RIC8B: variants seen among roughly 807,000 people sequenced by gnomAD.
RIC8B encodes chaperone Ric-8B.
A neutral mutation model predicts 57.5 loss-of-function variants in RIC8B; 16 were observed. The ratio of observed to expected loss-of-function variants is 0.28; its 90% CI spans 0.19 to 0.42. The LOEUF is 0.42. RIC8B is among the 10% of genes least tolerant of loss of function. The pLI is 1.00. For synonymous variants in RIC8B, 216 were observed against 250.8 expected, an observed-to-expected ratio of 0.86 and a Z score of 1.31; for missense variants, 481 against 677.0, an observed-to-expected ratio of 0.71 and a Z score of 3.21.
At chr12:106,800,474 C>G (rs148315074) in intron 2 of RIC8B, among the ~76,000 whole-genome samples, 1 of 152,282 alleles carries the variant, frequency 6.6e-6, no homozygotes, top group East Asian at 1.9e-4. Flanking sequence ...CCATGTAATT[C>G]TCACCTCCGG....
intron 4 of RIC8B, among the ~76,000 whole-genome samples, chr12:106,841,075 CA>C (rs1038326952): frequency 2.0e-5 from 3 of 151,454 alleles, no homozygotes; most frequent in Non-Finnish European, 2.9e-5. Flanking sequence ...CAGATATTTG[CA>C]AAAAAAAGTT....
chr12:106,880,402 T>G (rs1326369448), intron 9 of RIC8B, among the ~76,000 whole-genome samples: 1 of 152,116 alleles, frequency 6.6e-6, no homozygotes, highest in East Asian at 1.9e-4. Context: ...CCTCTTGAAA[T>G]TAGTATAGAA....
intron 4 of RIC8B, among the ~76,000 whole-genome samples, chr12:106,826,342 C>G: frequency 6.6e-6 from 1 of 152,340 alleles, no homozygotes; most frequent in African/African-American, 2.4e-5. Flanking sequence ...CTACACTTAA[C>G]TAGTACTCTC....
chr12:106,825,395 A>C (rs1244730402), intron 3 of RIC8B, among the ~76,000 whole-genome samples: 1 of 152,204 alleles, frequency 6.6e-6, no homozygotes, highest in East Asian at 1.9e-4. Flanking sequence ...CATCTGTTGA[A>C]ACTTTTATAA....
intron 2 of RIC8B, among the ~76,000 whole-genome samples, chr12:106,805,669 T>A (rs1463305998): frequency 6.6e-6 from 1 of 152,306 alleles, no homozygotes; most frequent in East Asian, 1.9e-4. Context: ...GAGTAATATT[T>A]CCAAAATACA....
rs1396553266 is a variant in RIC8B at position 106,800,860 on chromosome 12, A to G, written c.133-13836A>G. Among the ~76,000 whole-genome samples, 7 of 152,328 alleles carry G rather than the reference A, an allele frequency of 4.6e-5. No individual in the cohort carries two copies. In the South Asian group the frequency reaches 6.2e-4, roughly 14 times the overall value. On this transcript the variant is annotated intron_variant, in intron 2 of 9. Transcript: ENST00000392837. Reference sequence around the variant, plus strand: ...AAGGCAAAGAAGCAAAGGGGCTGCTATAGGACCAGGATTTATATCAGCCAC... The same window carrying G: ...AAGGCAAAGAAGCAAAGGGGCTGCTGTAGGACCAGGATTTATATCAGCCAC...
intron 6 of RIC8B, 59 bp downstream of exon 6, chr12:106,844,006 T>C (rs1281822700): frequency 2.7e-6 from 3 of 1,125,888 alleles, no homozygotes; most frequent in African/African-American, 1.5e-5. Context: ...ATTTTAAACA[T>C]AGAATTAATT....
At chr12:106,778,934 T>C (rs993565953) in intron 1 of RIC8B, among the ~76,000 whole-genome samples, 1 of 152,192 alleles carries the variant, frequency 6.6e-6, no homozygotes. Flanking sequence ...TTTTTTGAGA[T>C]GGAGTTTTGC....
At chr12:106,797,591 G>C (rs1301827350) in intron 2 of RIC8B, among the ~76,000 whole-genome samples, 1 of 152,322 alleles carries the variant, frequency 6.6e-6, no homozygotes, top group Admixed American at 6.5e-5. Flanking sequence ...GGTTGCACAA[G>C]TGTGAATATA....
At chr12:106,823,373 G>A (rs911332008) in intron 3 of RIC8B, 4 of 450,336 alleles carry the variant, frequency 8.9e-6, no homozygotes, top group African/African-American at 8.0e-5. Flanking sequence ...AGCTAATTTA[G>A]TGGATTTAGA....
chr12:106,788,330 C>G (rs575099016), intron 2 of RIC8B, among the ~76,000 whole-genome samples: 2 of 152,264 alleles, frequency 1.3e-5, no homozygotes, highest in Admixed American at 1.3e-4. Flanking sequence ...TGCGGCTCTT[C>G]CAGGTGCAGG....
intron 1 of RIC8B, among the ~76,000 whole-genome samples, chr12:106,779,605 T>A (rs560036591): frequency 3.9e-4 from 59 of 151,726 alleles, no homozygotes; most frequent in Non-Finnish European, 7.9e-4. Context: ...ATAGTTGTAC[T>A]GTATTATTTA....
Position 106,814,586 on chromosome 12 carries a change from CT to C in RIC8B, c.133-106del, listed in dbSNP as rs1307842858. The C allele has an allele frequency of 1.7e-5, 20 of 1,165,684 alleles. No homozygotes were observed. The East Asian group carries it at 4.8e-4, about 28-fold the overall frequency. The allele number at this position is 1,165,684 out of a possible 1,614,324, so 72.2% of individuals were successfully genotyped here. On this transcript the variant is annotated intron_variant, in intron 2 of 9. Transcript: ENST00000392837. ...CCGTGATTTAAAAAATAATAAAAAC[CT>C]TTTCTCTCTGGATTTTTAACTGTTG...
chr12:106,871,491 AAAAAAAACC>A lies in RIC8B; in HGVS notation c.1571+556_1571+564del, dbSNP rs1303364452. The A allele has an allele frequency of 1.7e-3, 242 of 143,238 alleles. 3 individuals carry two copies. The highest frequency in any genetic ancestry group is 6.0e-3 in the African/African-American group (228 of 37,970). The allele number at this position is 143,238 out of a possible 1,614,324, so 8.9% of individuals were successfully genotyped here. On this transcript the variant is annotated intron_variant, in intron 9 of 9. Coordinates refer to ENST00000392837, the MANE Select transcript of RIC8B (RefSeq NM_001330145.2). ...AGTTCTAAAAAAAAAAAAAAAAAAA[AAAAAAAACC>A]AAAAAACTCCCCTTCCCCTCTTGCT...
At chr12:106,864,911 A>G (rs1018528963) in intron 8 of RIC8B, among the ~76,000 whole-genome samples, 1 of 152,102 alleles carries the variant, frequency 6.6e-6, no homozygotes, top group Non-Finnish European at 1.5e-5. Flanking sequence ...ATCATATACA[A>G]TATTTCTCCT....
intron 4 of RIC8B, among the ~76,000 whole-genome samples, chr12:106,826,561 C>T (rs1458617630): frequency 1.3e-5 from 2 of 152,000 alleles, no homozygotes; most frequent in Non-Finnish European, 2.9e-5. Flanking sequence ...TGAGACCAGC[C>T]TGGCCAACAT....
At position 106,845,156 on chromosome 12, in the gene RIC8B, G is replaced by C. The variant is rs117586458; in HGVS notation, c.1161+1209G>C. Among the ~76,000 whole-genome samples, 468 of 152,218 alleles carry C rather than the reference G, an allele frequency of 3.1e-3. 2 individuals carry two copies. Among genetic ancestry groups the C allele is most frequent in the Non-Finnish European group, 5.5e-3 (371 of 68,012 alleles). On this transcript the variant is annotated intron_variant, in intron 6 of 9. Transcript: ENST00000392837. ...TGCGCTCCCTCAGTCGTACTCACCT[G>C]GCAAAACCTAACAAACTGGCTAACT...
intron 9 of RIC8B, chr12:106,871,489 AAAAAAAAAACC>A (rs1482338470): frequency 7.0e-6 from 1 of 143,474 alleles, no homozygotes; most frequent in African/African-American, 2.6e-5. Context: ...AAAAAAAAAA[AAAAAAAAAACC>A]AAAAAACTCC....
At chr12:106,809,290 G>A (rs1404731279) in intron 2 of RIC8B, among the ~76,000 whole-genome samples, 3 of 152,242 alleles carry the variant, frequency 2.0e-5, no homozygotes, top group Admixed American at 1.3e-4. Context: ...TTGGGAGGCC[G>A]AGGTGGGAGG....
Sources: allele counts gnomAD v4.1 joint callset (sites outside exome capture counted in the v4.1 genomes callset), GRCh38; gene constraint gnomAD v4.1.1; transcripts MANE v1.5; gene names NCBI Gene and HGNC (gene_info 2026-07-23, HGNC 2026-07-21).